The following NGF variants were observed in gnomAD, a reference collection of about 807,000 sequenced individuals.
NGF encodes the protein nerve growth factor, also known as beta-nerve growth factor.
A neutral mutation model predicts 12.8 loss-of-function variants in NGF; 4 were observed. The observed-to-expected ratio is 0.31, with a 90% CI of 0.15 to 0.72. The LOEUF (loss-of-function observed/expected upper bound fraction) is 0.72. Among genes scored for constraint, NGF ranks in the 30% least tolerant of loss-of-function variants. The probability of loss-of-function intolerance (pLI) is 0.69; values close to 1 mark genes in which losing one functional copy is unlikely to be tolerated. For missense variants in NGF, 283 were observed against 330.8 expected (o/e 0.86, Z 1.12); for synonymous variants, 140 against 130.0 (o/e 1.08, Z -0.52).
intron 1 of NGF, among the ~76,000 whole-genome samples, chr1:115,322,179 T>G (rs1654648945): frequency 6.6e-6 from 1 of 152,238 alleles, no homozygotes. Context: ...ATTTCTTTTC[T>G]GTCCCTGCCC....
At chr1:115,289,831 T>G (rs972577671) in intron 2 of NGF, among the ~76,000 whole-genome samples, 1 of 152,148 alleles carries the variant, frequency 6.6e-6, no homozygotes, top group Non-Finnish European at 1.5e-5. Context: ...ATACCTCTGC[T>G]TATCCCTCTG....
chr1:115,299,460 A>G (rs537357943), intron 1 of NGF, among the ~76,000 whole-genome samples: 96 of 152,286 alleles, frequency 6.3e-4, no homozygotes, highest in Non-Finnish European at 1.1e-3. Flanking sequence ...GCGAAACACA[A>G]TCTGCATGTT....
chr1:115,318,838 T>C (rs1488960434), intron 1 of NGF, among the ~76,000 whole-genome samples: 1 of 152,172 alleles, frequency 6.6e-6, no homozygotes, highest in Admixed American at 6.5e-5. Flanking sequence ...TCAGAATGAA[T>C]TCAAGACTAG....
At chr1:115,295,328 G>T (rs1450700144) in intron 1 of NGF, among the ~76,000 whole-genome samples, 3 of 152,166 alleles carry the variant, frequency 2.0e-5, no homozygotes, top group Non-Finnish European at 2.9e-5. Context: ...GCTCCAGAAA[G>T]TACCAGAAAA....
rs58345237 is a variant in NGF at position 115,304,329 on chromosome 1, A to ATTTTTTTTTTTTTTTTTTTTTTTTTT, written c.-136-10580_-136-10579insAAAAAAAAAAAAAAAAAAAAAAAAAA. ...AGGAGCGCACCACCATGCTTGGCTA[A>ATTTTTTTTTTTTTTTTTTTTTTTTTT]TTTTTTTTTTTTTTTTGTATTTTTA... On this transcript the variant is annotated intron_variant, in intron 1 of 2. Transcript: ENST00000369512. 1.6e-3 allele frequency among the ~76,000 whole-genome samples: 130 copies of ATTTTTTTTTTTTTTTTTTTTTTTTTT among 80,798 alleles called. 13 individuals are homozygous for ATTTTTTTTTTTTTTTTTTTTTTTTTT. Among genetic ancestry groups the ATTTTTTTTTTTTTTTTTTTTTTTTTT allele is most frequent in the Non-Finnish European group, 2.1e-3 (84 of 39,582 alleles). The allele number at this position is 80,798 out of a possible 152,430, so 53.0% of individuals were successfully genotyped here.
chr1:115,301,564 C>A (rs958578439), intron 1 of NGF, among the ~76,000 whole-genome samples: 2 of 152,196 alleles, frequency 1.3e-5, no homozygotes, highest in African/African-American at 4.8e-5. Context: ...CCCATGCCCC[C>A]ATCTGGCCCT....
chr1:115,327,165 C>T (rs1416330082), intron 1 of NGF, among the ~76,000 whole-genome samples: 1 of 152,176 alleles, frequency 6.6e-6, no homozygotes. Context: ...GGTCAGAATT[C>T]TGTAATAGGT....
chr1:115,337,287 T>TG (rs1557950894), intron 1 of NGF, among the ~76,000 whole-genome samples: 2 of 133,340 alleles, frequency 1.5e-5, no homozygotes, highest in African/African-American at 2.8e-5. Flanking sequence ...TTTTTTTTTT[T>TG]TTTTTTTTTT....
At chr1:115,320,749 T>C (rs1411151855) in intron 1 of NGF, among the ~76,000 whole-genome samples, 1 of 152,134 alleles carries the variant, frequency 6.6e-6, no homozygotes, top group African/African-American at 2.4e-5. Context: ...GCTAAGGGGG[T>C]GACCACTGTA....
Position 115,286,415 on chromosome 1 carries a change from G to T in NGF, c.381C>A (p.Ile127=), listed in dbSNP as rs372985633. The change falls in exon 3 of 3, where the codon ATC becomes ATA. Residue 127 remains isoleucine, a synonymous_variant. Transcript: ENST00000369512. ...HRSKRSSSHP[I]FHRGEFSVCD... is the part of the protein sequence containing the mutation. ...ACACCGAGAATTCGCCCCTGTGGAAGATGGGATGGGATGATGACCGCTTGC... is the reference window on the plus strand; with the variant it reads ...ACACCGAGAATTCGCCCCTGTGGAATATGGGATGGGATGATGACCGCTTGC... 1 of 1,613,856 alleles carries T rather than the reference G, an allele frequency of 6.2e-7. No homozygotes were observed. The highest frequency in any genetic ancestry group is 1.1e-5 in the South Asian group (1 of 91,054).
chr1:115,290,439 A>G (rs1027314914), intron 2 of NGF, among the ~76,000 whole-genome samples: 1 of 118,600 alleles, frequency 8.4e-6, no homozygotes, highest in African/African-American at 3.3e-5. Context: ...TCTGTCACCC[A>G]GGCTGAAGTG....
intron 1 of NGF, among the ~76,000 whole-genome samples, chr1:115,337,575 C>T (rs528059186): frequency 6.6e-6 from 1 of 152,146 alleles, no homozygotes; most frequent in South Asian, 2.1e-4. Flanking sequence ...CCCGGTACGC[C>T]GGACGGACCC....
At chr1:115,313,180 T>C (rs1654378791) in intron 1 of NGF, among the ~76,000 whole-genome samples, 1 of 152,244 alleles carries the variant, frequency 6.6e-6, no homozygotes, top group African/African-American at 2.4e-5. Context: ...ACTTTTGATG[T>C]TTCACATAGT....
intron 1 of NGF, among the ~76,000 whole-genome samples, chr1:115,333,705 CTTTCTTTCT>C (rs756181605): frequency 0.16 from 11,230 of 69,132 alleles, 808 homozygotes; most frequent in African/African-American, 0.35. Flanking sequence ...TTCTTTCTTT[CTTTCTTTCT>C]TTTCTTTCTT....
chr1:115,303,129 A>G (rs1654091441), intron 1 of NGF, among the ~76,000 whole-genome samples: 1 of 151,828 alleles, frequency 6.6e-6, no homozygotes, highest in African/African-American at 2.4e-5. Context: ...CCAGTAGAAC[A>G]CTGTGTATCT....
rs17033682 is a variant in NGF, at chr1:115,324,831, G to C, written c.-137+13373C>G. Among the ~76,000 whole-genome samples the C allele has an allele frequency of 5.2e-3, 798 of 152,258 alleles. 4 individuals are homozygous for C. Among genetic ancestry groups the C allele is most frequent in the Non-Finnish European group, 8.7e-3 (594 of 68,032 alleles). ...TTCTCCTAACATTCTGTCATAGGCTGTGTCTGTGCTATCCTTGTCAATTAT... is the reference window on the plus strand; with the variant it reads ...TTCTCCTAACATTCTGTCATAGGCTCTGTCTGTGCTATCCTTGTCAATTAT... On this transcript the variant is annotated intron_variant, in intron 1 of 2. Transcript: ENST00000369512.
intron 1 of NGF, among the ~76,000 whole-genome samples, chr1:115,337,278 T>TG (rs1655150911): frequency 1.3e-5 from 1 of 76,138 alleles, no homozygotes; most frequent in South Asian, 6.1e-4. Context: ...TTTTTTTTTT[T>TG]TTTTTTTTTT....
chr1:115,324,732 G>A (rs1007322132), intron 1 of NGF, among the ~76,000 whole-genome samples: 4 of 152,108 alleles, frequency 2.6e-5, no homozygotes, highest in Non-Finnish European at 4.4e-5. Context: ...GGGGTACTCC[G>A]GAAACTCACA....
intron 1 of NGF, among the ~76,000 whole-genome samples, chr1:115,308,650 G>A (rs781048479): frequency 2.6e-5 from 4 of 152,026 alleles, no homozygotes; most frequent in Non-Finnish European, 4.4e-5. Context: ...GTTATAAGAG[G>A]ATTAAACTTG....
Sources: allele counts gnomAD v4.1 joint callset (sites outside exome capture counted in the v4.1 genomes callset), GRCh38; gene constraint gnomAD v4.1.1; transcripts MANE v1.5; gene names NCBI Gene and HGNC (gene_info 2026-07-23, HGNC 2026-07-21).